Variants in SIMC1 observed in about 807,000 individuals in gnomAD.
The protein encoded by SIMC1 is SUMO-interacting motif-containing protein 1.
Under a neutral mutation model 82.3 loss-of-function variants are expected in SIMC1, and 55 were observed. That is an observed-to-expected ratio of 0.67 (90% confidence interval 0.54 to 0.84). The LOEUF (loss-of-function observed/expected upper bound fraction) is 0.84, where lower values mean the gene tolerates loss of function less well. SIMC1 is among the 40% of genes least tolerant of loss of function. The pLI is 0.00. For missense variants in SIMC1, 915 were observed against 1,107.2 expected (o/e 0.83, Z 2.46); for synonymous variants, 353 against 426.3 (o/e 0.83, Z 2.12).
chr5:176,252,822 C>T (rs1275096317), intron 1 of SIMC1, among the ~76,000 whole-genome samples: 2 of 152,202 alleles, frequency 1.3e-5, no homozygotes. Flanking sequence ...GAGCTGAGAT[C>T]ATGCCACTGC....
chr5:176,345,494 C>A lies in SIMC1; in HGVS notation c.*49C>A. The A allele has an allele frequency of 6.4e-7, 1 of 1,558,224 alleles. No homozygotes were observed. On this transcript the variant is annotated 3_prime_UTR_variant, in exon 10 of 10. Transcript: ENST00000429602. ...AAGAATACCTCCTGAACTCTCTCTC[C>A]AACTGCTCAGAAGCTCTAAAAGCAT...
intron 7 of SIMC1, among the ~76,000 whole-genome samples, chr5:176,330,311 G>C (rs556035763): frequency 2.1e-4 from 32 of 151,378 alleles, no homozygotes; most frequent in Non-Finnish European, 4.3e-4. Context: ...TGAGGCAGGA[G>C]AATCGCTTGA....
rs558983326 is a variant in SIMC1, at chr5:176,289,397, C to G, written c.130-257C>G. Among the ~76,000 whole-genome samples the G allele has an allele frequency of 2.0e-5, 3 of 151,326 alleles. No individual in the cohort carries two copies. The South Asian group carries it at 6.3e-4, about 32-fold the overall frequency. ...AGGTTGGAATATCTCCTACTACTCC[C>G]CTGTCCTCCTTGGACCAGAAAAAAA... is the stretch of plus-strand genomic sequence containing the variant. On this transcript the variant is annotated intron_variant, in intron 1 of 9. Coordinates refer to ENST00000429602, the MANE Select transcript of SIMC1 (RefSeq NM_001308195.2).
chr5:176,290,437 C>T lies in SIMC1; in HGVS notation c.913C>T (p.Leu305=), dbSNP rs148651115. Residue 305 remains leucine, a synonymous_variant, in exon 2 of 10, where the codon CTG becomes TTG. Coordinates refer to ENST00000429602, the MANE Select transcript of SIMC1 (RefSeq NM_001308195.2). ...SILHPQDVAY[L]QDMPRSPGDV... is the part of the protein sequence containing the mutation. ...ATTACATCCACAAGATGTGGCATAC[C>T]TGCAAGACATGCCACGGTCACCAGG... 1.2e-6 allele frequency: 2 copies of T among 1,614,018 alleles called. No homozygotes were observed. The highest frequency in any genetic ancestry group is 1.3e-5 in the African/African-American group (1 of 75,044).
At chr5:176,282,686 C>T (rs1763067984) in intron 1 of SIMC1, among the ~76,000 whole-genome samples, 1 of 152,164 alleles carries the variant, frequency 6.6e-6, no homozygotes, top group Admixed American at 6.5e-5. Flanking sequence ...ATGACTTTGA[C>T]GAGTTGAGAG....
At chr5:176,254,924 CTAAT>C in intron 1 of SIMC1, among the ~76,000 whole-genome samples, 1 of 152,186 alleles carries the variant, frequency 6.6e-6, no homozygotes, top group South Asian at 2.1e-4. Context: ...TTACTGTAAA[CTAAT>C]AAGTAGCTTA....
chr5:176,289,254 A>G (rs568626263), intron 1 of SIMC1, among the ~76,000 whole-genome samples: 4 of 152,318 alleles, frequency 2.6e-5, no homozygotes, highest in East Asian at 3.9e-4. Flanking sequence ...AAAATACTCA[A>G]CATGTTCTTA....
In SIMC1 at chr5:176,324,794, AAAAAAAAAC is replaced by A. The variant is rs767729298; in HGVS notation, c.2171+47_2171+55del. The A allele has an allele frequency of 8.0e-6, 12 of 1,502,024 alleles. No individual in the cohort carries two copies. The South Asian group carries it at 1.4e-4, about 18-fold the overall frequency. The allele number at this position is 1,502,024 out of a possible 1,614,324, so 93.0% of individuals were successfully genotyped here. ...TTTTGTTGGGGAGAGCAGTTATTTA[AAAAAAAAAC>A]AAAAAAAACTCTTGGAAATCATTTT... On this transcript the variant is annotated intron_variant, in intron 7 of 9. Transcript: ENST00000429602.
At chr5:176,295,329 T>A in intron 3 of SIMC1, 67 bp downstream of exon 3, 1 of 1,502,102 alleles carries the variant, frequency 6.7e-7, no homozygotes, top group Non-Finnish European at 8.9e-7. Context: ...CATAGCTTTC[T>A]CTTGACAGGC....
At chr5:176,333,873 CTCTT>C (rs1486074574) in intron 7 of SIMC1, among the ~76,000 whole-genome samples, 4 of 150,836 alleles carry the variant, frequency 2.7e-5, no homozygotes, top group African/African-American at 9.7e-5. Context: ...TTTGTTTTCT[CTCTT>C]TCTCTCTCAA....
intron 5 of SIMC1, among the ~76,000 whole-genome samples, chr5:176,318,820 T>G (rs1765026902): frequency 6.6e-6 from 1 of 152,178 alleles, no homozygotes. Flanking sequence ...TAAGAAATGG[T>G]AAGTAGTCGG....
At chr5:176,334,631 A>C (rs1384313226) in intron 7 of SIMC1, among the ~76,000 whole-genome samples, 1 of 152,072 alleles carries the variant, frequency 6.6e-6, no homozygotes, top group Non-Finnish European at 1.5e-5. Context: ...CTCTGACACA[A>C]ATTCTAGACA....
At position 176,313,896 on chromosome 5, in the gene SIMC1, G is replaced by A. The variant is rs1024770456; in HGVS notation, c.1889+51G>A. The A allele has an allele frequency of 2.5e-6, 4 of 1,604,284 alleles. No individual in the cohort carries two copies. The Admixed American group carries it at 6.8e-5, about 27-fold the overall frequency. On this transcript the variant is annotated intron_variant, in intron 5 of 9. Coordinates refer to ENST00000429602, the MANE Select transcript of SIMC1 (RefSeq NM_001308195.2). ...TGAGAAGAGGTAAGGGATTATAGGT[G>A]GGCAGCTGCTGAAGGCCAGAATATC...
chr5:176,296,595 G>A (rs1763826444), intron 4 of SIMC1: 1 of 459,970 alleles, frequency 2.2e-6, no homozygotes, highest in Non-Finnish European at 4.0e-6. Flanking sequence ...CTTGAGCCTA[G>A]GAGGTCAAGG....
rs981152333 is a variant in SIMC1, at chr5:176,290,196, A to G, written c.672A>G (p.Arg224=). 3.1e-6 allele frequency: 5 copies of G among 1,610,866 alleles called. No individual in the cohort carries two copies. In the African/African-American group the frequency reaches 5.4e-5, roughly 17 times the overall value. ...RPPQALPCPL[R]PLPCPPRASP... is the part of the protein sequence containing the mutation. Reference sequence around the variant, plus strand: ...CACAGGCCTTGCCGTGCCCCCTGCGACCTTTGCCATGCCCACCGAGAGCCT... The same window carrying G: ...CACAGGCCTTGCCGTGCCCCCTGCGGCCTTTGCCATGCCCACCGAGAGCCT... Residue 224 remains arginine (R), a synonymous_variant, in exon 2 of 10, where the codon CGA becomes CGG. Transcript: ENST00000429602.
rs762749276 is a variant in SIMC1, at chr5:176,345,310, C to T, written c.2541C>T (p.Arg847=). 7 of 1,613,864 alleles carry T rather than the reference C, an allele frequency of 4.3e-6. No homozygotes were observed. Among genetic ancestry groups the T allele is most frequent in the Non-Finnish European group, 5.9e-6 (7 of 1,179,904 alleles). The change falls in exon 10 of 10, where the codon CGC becomes CGT. Residue 847 remains arginine, a synonymous_variant. Coordinates refer to ENST00000429602, the MANE Select transcript of SIMC1 (RefSeq NM_001308195.2). ...AGCAGATTGAGGCCTTCCGCAGCCG[C>T]CTGATCCAGATGCTGGGGGAGCCTC... is the stretch of plus-strand genomic sequence containing the variant. ...VEKQIEAFRS[R]LIQMLGEPLV...
At chr5:176,331,542 T>A (rs1730942986) in intron 7 of SIMC1, among the ~76,000 whole-genome samples, 1 of 151,006 alleles carries the variant, frequency 6.6e-6, no homozygotes, top group Admixed American at 6.6e-5. Context: ...CTCGAACTCC[T>A]GTCCTCAAGT....
chr5:176,277,555 T>A (rs1291555799), intron 1 of SIMC1, among the ~76,000 whole-genome samples: 1 of 152,048 alleles, frequency 6.6e-6, no homozygotes, highest in African/African-American at 2.4e-5. Context: ...ATGCCTAGGT[T>A]TTCTTCTAGG....
chr5:176,291,473 A>T (rs1167689452), intron 2 of SIMC1, among the ~76,000 whole-genome samples: 1 of 151,376 alleles, frequency 6.6e-6, no homozygotes, highest in African/African-American at 2.4e-5. Flanking sequence ...AGTAGCTGGG[A>T]CTATAGGCGC....
Sources: allele counts gnomAD v4.1 joint callset (sites outside exome capture counted in the v4.1 genomes callset), GRCh38; gene constraint gnomAD v4.1.1; transcripts MANE v1.5; gene names NCBI Gene and HGNC (gene_info 2026-07-23, HGNC 2026-07-21).